ZFYVE1: variants seen among roughly 807,000 people sequenced by gnomAD.
ZFYVE1 encodes zinc finger FYVE-type containing 1.
ZFYVE1 carries 30 observed loss-of-function variants against 74.4 expected under a neutral mutation model. That is an observed-to-expected ratio of 0.40 (90% CI 0.30 to 0.55). The LOEUF is 0.55. ZFYVE1 is among the 20% of genes least tolerant of loss of function. ZFYVE1 has a pLI of 0.42. For synonymous variants in ZFYVE1, 335 were observed against 385.1 expected (o/e 0.87, Z 1.52); for missense variants, 703 against 1,011.6 (o/e 0.69, Z 4.14).
At position 73,016,918 on chromosome 14, in the gene ZFYVE1, C is replaced by A. The variant is rs1406968596; in HGVS notation, c.483+7108G>T. On this transcript the variant is annotated intron_variant, in intron 2 of 11. Coordinates refer to ENST00000556143, the MANE Select transcript of ZFYVE1 (RefSeq NM_021260.4). ...GATCAATGAATACAACTCAGAAAGT[C>A]TTACCATCTCACTAGAGAGGTTACA... is the stretch of plus-strand genomic sequence containing the variant. Among the ~76,000 whole-genome samples the A allele has an allele frequency of 9.2e-5, 14 of 152,242 alleles. No homozygotes were observed. In the East Asian group the frequency reaches 2.7e-3, roughly 29 times the overall value.
Position 72,998,318 on chromosome 14 carries a change from GC to G in ZFYVE1, c.484-4del. 6.3e-5 allele frequency: 74 copies of G among 1,182,646 alleles called. No homozygotes were observed. Among genetic ancestry groups the G allele is most frequent in the South Asian group, 4.9e-4 (16 of 32,618 alleles). 73.3% of individuals were successfully genotyped at this position (1,182,646 alleles called of 1,614,324 possible). Reference sequence around the variant, plus strand: ...ATAAAGTCTTCTTCATTTGTTACCTGCAAAAAAAAAAAAAAAGACCATGAAA... The same window carrying G: ...ATAAAGTCTTCTTCATTTGTTACCTGAAAAAAAAAAAAAAAGACCATGAAA... On this transcript the variant is annotated splice_region_variant and splice_polypyrimidine_tract_variant and intron_variant, in intron 2 of 11. Transcript: ENST00000556143.
chr14:72,994,905 C>CT (rs1230975643), intron 3 of ZFYVE1, among the ~76,000 whole-genome samples: 1 of 152,132 alleles, frequency 6.6e-6, no homozygotes, highest in Non-Finnish European at 1.5e-5. Flanking sequence ...AAATTCTGGT[C>CT]TTTTGTGAGG....
chr14:73,026,031 G>T (rs555426217), intron 1 of ZFYVE1, among the ~76,000 whole-genome samples: 4 of 151,378 alleles, frequency 2.6e-5, no homozygotes, highest in Admixed American at 6.6e-5. Flanking sequence ...ACTCTAGCTA[G>T]ATGTATATTA....
chr14:73,001,089 G>A (rs1459065834), intron 2 of ZFYVE1, among the ~76,000 whole-genome samples: 1 of 152,170 alleles, frequency 6.6e-6, no homozygotes, highest in Non-Finnish European at 1.5e-5. Context: ...TTCAGAGGGG[G>A]CTTTGAATGC....
chr14:72,979,942 A>C (rs1805293714), intron 5 of ZFYVE1, among the ~76,000 whole-genome samples: 2 of 152,200 alleles, frequency 1.3e-5, no homozygotes, highest in African/African-American at 4.8e-5. Flanking sequence ...TAATGCAAAA[A>C]CAGAGATCAG....
chr14:72,976,812 A>C (rs1217593487), intron 8 of ZFYVE1, among the ~76,000 whole-genome samples: 1 of 151,986 alleles, frequency 6.6e-6, no homozygotes, highest in Non-Finnish European at 1.5e-5. Flanking sequence ...TTAAAAAATA[A>C]GGAAATCTTC....
intron 3 of ZFYVE1, among the ~76,000 whole-genome samples, chr14:72,997,126 T>C (rs183344079): frequency 1.4e-4 from 22 of 152,334 alleles, no homozygotes; most frequent in Admixed American, 5.9e-4. Context: ...TCCGTGGTCC[T>C]AAGGCCGACC....
chr14:72,971,201 C>T (rs1567342358), intron 11 of ZFYVE1, 87 bp from the exon 12 acceptor site: 3 of 1,341,036 alleles, frequency 2.2e-6, no homozygotes, highest in Admixed American at 3.9e-5. Context: ...TGCTTACTGG[C>T]TTATAATCCC....
At chr14:73,001,326 G>A (rs999815098) in intron 2 of ZFYVE1, among the ~76,000 whole-genome samples, 3 of 152,014 alleles carry the variant, frequency 2.0e-5, no homozygotes, top group Non-Finnish European at 4.4e-5. Context: ...GCTTTTTAGT[G>A]GAGAAAAACT....
At position 72,998,181 on chromosome 14, in the gene ZFYVE1, T is replaced by C. The variant is rs1169191523; in HGVS notation, c.618A>G (p.Glu206=). The change falls in exon 3 of 12, where the codon GAA becomes GAG. Residue 206 remains glutamate, a synonymous_variant. Coordinates refer to ENST00000556143, the MANE Select transcript of ZFYVE1 (RefSeq NM_021260.4). ...CCTGGGTCGGGGAGGTTTTAAAGAC[T>C]TCACGACCATAAAAGAAAGTGTGGT... ...TLNHTFFYGR[E]VFKTSPTQES... is the part of the protein sequence containing the mutation. 1.2e-6 allele frequency: 2 copies of C among 1,614,038 alleles called. No homozygotes were observed. Among genetic ancestry groups the C allele is most frequent in the South Asian group, 1.1e-5 (1 of 91,070 alleles).
intron 4 of ZFYVE1, among the ~76,000 whole-genome samples, chr14:72,988,729 C>T (rs1246454104): frequency 6.7e-6 from 1 of 149,904 alleles, no homozygotes; most frequent in East Asian, 2.0e-4. Context: ...ATCACTTGAA[C>T]CTGGGAGTCA....
chr14:72,974,206 A>T lies in ZFYVE1; in HGVS notation c.1988-13T>A. The T allele has an allele frequency of 5.0e-6, 8 of 1,611,316 alleles. No homozygotes were observed. The highest frequency in any genetic ancestry group is 6.8e-6 in the Non-Finnish European group (8 of 1,177,482). On this transcript the variant is annotated splice_polypyrimidine_tract_variant and intron_variant, in intron 10 of 11. Coordinates refer to ENST00000556143, the MANE Select transcript of ZFYVE1 (RefSeq NM_021260.4). ...GCCTCGGTAACAGCTGTAGACAGTAATAAAGGAAATGCTGTCACCTCTAAG... is the reference window on the plus strand; with the variant it reads ...GCCTCGGTAACAGCTGTAGACAGTATTAAAGGAAATGCTGTCACCTCTAAG...
intron 2 of ZFYVE1, among the ~76,000 whole-genome samples, chr14:73,001,210 T>C (rs1166503478): frequency 6.9e-6 from 1 of 145,244 alleles, no homozygotes; most frequent in Non-Finnish European, 1.5e-5. Flanking sequence ...ACTATTTCCC[T>C]ATTGACTTGT....
chr14:72,992,100 G>A (rs1209181464), intron 4 of ZFYVE1, among the ~76,000 whole-genome samples: 1 of 151,856 alleles, frequency 6.6e-6, no homozygotes, highest in Middle Eastern at 3.2e-3. Context: ...GTAGAAAGGG[G>A]GTTTCACCAT....
chr14:72,983,339 C>T (rs1893388145), intron 4 of ZFYVE1, among the ~76,000 whole-genome samples: 1 of 146,806 alleles, frequency 6.8e-6, no homozygotes, highest in Non-Finnish European at 1.5e-5. Flanking sequence ...TAATGCTATC[C>T]TTCCCCCCTC....
Position 72,971,119 on chromosome 14 carries a change from G to A in ZFYVE1, c.2102-5C>T. The A allele has an allele frequency of 3.1e-6, 5 of 1,613,976 alleles. No individual in the cohort carries two copies. Among genetic ancestry groups the A allele is most frequent in the East Asian group, 4.5e-5 (2 of 44,876 alleles). ...TGGCCGCGTCCTTTACCAGACCTAA[G>A]GCAGGGAACAATGGTCAGGGCACCC... On this transcript the variant is annotated splice_polypyrimidine_tract_variant and splice_region_variant and intron_variant, in intron 11 of 11. Coordinates refer to ENST00000556143, the MANE Select transcript of ZFYVE1 (RefSeq NM_021260.4).
intron 2 of ZFYVE1, among the ~76,000 whole-genome samples, chr14:73,015,090 G>T (rs1046878309): frequency 1.3e-5 from 2 of 151,314 alleles, no homozygotes; most frequent in African/African-American, 4.9e-5. Context: ...AATCAGTCAG[G>T]CATGGTGGCA....
rs935824270 is a variant in ZFYVE1, at chr14:72,983,903, T to G, written c.1204-2008A>C. ...AAATCAAAACCACAATGAGATACCA[T>G]CTCACACCAGTTAGAATGGCGATCA... On this transcript the variant is annotated intron_variant, in intron 4 of 11. Transcript: ENST00000556143. 1.2e-4 allele frequency among the ~76,000 whole-genome samples: 19 copies of G among 152,306 alleles called. No homozygotes were observed. In the South Asian group the frequency reaches 1.5e-3, roughly 12 times the overall value.
chr14:73,011,657 T>C (rs1364346690), intron 2 of ZFYVE1, among the ~76,000 whole-genome samples: 1 of 151,070 alleles, frequency 6.6e-6, no homozygotes, highest in African/African-American at 2.4e-5. Context: ...GTAGCTGGGA[T>C]TACAGGCGCC....
Sources: allele counts gnomAD v4.1 joint callset (sites outside exome capture counted in the v4.1 genomes callset), GRCh38; gene constraint gnomAD v4.1.1; transcripts MANE v1.5; gene names NCBI Gene and HGNC (gene_info 2026-07-23, HGNC 2026-07-21).